Variants in RNF217 observed in about 807,000 individuals in gnomAD.
The protein encoded by RNF217 is ring finger protein 217, also known as E3 ubiquitin-protein ligase RNF217.
Under a neutral mutation model 57.8 loss-of-function variants are expected in RNF217, and 31 were observed. That is an observed-to-expected ratio of 0.54 (90% CI 0.40 to 0.72). RNF217 has a LOEUF of 0.72. Among genes scored for constraint, RNF217 ranks in the 30% least tolerant of loss-of-function variants. The probability of loss-of-function intolerance (pLI) is 0.00; values close to 1 mark genes in which losing one functional copy is unlikely to be tolerated. For synonymous variants in RNF217, 313 were observed against 294.0 expected, an observed-to-expected ratio of 1.06 and a Z score of -0.66; for missense variants, 696 against 708.3, an observed-to-expected ratio of 0.98 and a Z score of 0.20.
At chr6:124,998,238 T>G (rs541499479) in intron 1 of RNF217, among the ~76,000 whole-genome samples, 1 of 152,120 alleles carries the variant, frequency 6.6e-6, no homozygotes, top group Non-Finnish European at 1.5e-5. Context: ...CCCTCTATTC[T>G]CCTATCCCAT....
At chr6:125,004,088 T>C (rs1785084750) in intron 1 of RNF217, among the ~76,000 whole-genome samples, 1 of 152,084 alleles carries the variant, frequency 6.6e-6, no homozygotes, top group African/African-American at 2.4e-5. Flanking sequence ...AATTCATCCA[T>C]CAAATAAGGT....
intron 1 of RNF217, among the ~76,000 whole-genome samples, chr6:125,029,781 A>G (rs1186415977): frequency 1.3e-5 from 2 of 152,196 alleles, no homozygotes; most frequent in Non-Finnish European, 2.9e-5. Context: ...GAAGATGAAA[A>G]GTTTTGGAAT....
intron 1 of RNF217, among the ~76,000 whole-genome samples, chr6:125,020,607 C>T (rs531323083): frequency 2.0e-5 from 3 of 151,892 alleles, no homozygotes; most frequent in Non-Finnish European, 4.4e-5. Context: ...TTAATTACTG[C>T]AGCTGGGCTG....
At chr6:125,048,860 T>G (rs563430732) in intron 2 of RNF217, among the ~76,000 whole-genome samples, 2 of 152,080 alleles carry the variant, frequency 1.3e-5, no homozygotes, top group South Asian at 4.1e-4. Context: ...AAAATCTGAG[T>G]AAATAGAGCT....
chr6:125,082,803 T>G (rs547685852), intron 5 of RNF217, 61 bp from the exon 6 acceptor site: 84 of 1,315,150 alleles, frequency 6.4e-5, no homozygotes, highest in Admixed American at 2.9e-4. Flanking sequence ...ATAGACATTT[T>G]AAAATAGGAA....
chr6:125,041,914 A>C (rs1391659048), intron 1 of RNF217, among the ~76,000 whole-genome samples: 1 of 152,110 alleles, frequency 6.6e-6, no homozygotes, highest in African/African-American at 2.4e-5. Flanking sequence ...CCACCAAGAA[A>C]GTAAAAACAC....
At chr6:124,987,369 C>T (rs528603642) in intron 1 of RNF217, among the ~76,000 whole-genome samples, 1 of 152,272 alleles carries the variant, frequency 6.6e-6, no homozygotes, top group African/African-American at 2.4e-5. Flanking sequence ...CATTATTCAT[C>T]ATTCCCTGCC....
At chr6:124,986,643 TC>T (rs1784372606) in intron 1 of RNF217, among the ~76,000 whole-genome samples, 1 of 152,186 alleles carries the variant, frequency 6.6e-6, no homozygotes, top group South Asian at 2.1e-4. Context: ...GGTTATCTCT[TC>T]CCTGTCTTAT....
rs922924040 is a variant in RNF217, at chr6:125,086,710, A to T, written c.*3773A>T. 1 of 152,142 alleles carries T rather than the reference A, an allele frequency of 6.6e-6. No homozygotes were observed. The highest frequency in any genetic ancestry group is 1.5e-5 in the Non-Finnish European group (1 of 68,000). 9.4% of individuals were successfully genotyped at this position (152,142 alleles called of 1,614,324 possible). On this transcript the variant is annotated 3_prime_UTR_variant, in exon 6 of 6. Coordinates refer to ENST00000521654, the MANE Select transcript of RNF217 (RefSeq NM_001286398.3). ...TTGTTGCCACCACCTTGATTTTCTC[A>T]TAGGTGCTATTGTGTCCTAAGAGTA...
intron 1 of RNF217, among the ~76,000 whole-genome samples, chr6:125,024,945 C>G (rs1189567507): frequency 1.3e-5 from 2 of 152,008 alleles, no homozygotes; most frequent in Non-Finnish European, 2.9e-5. Flanking sequence ...GGAAGAGTAA[C>G]TAACCCTCAG....
intron 2 of RNF217, among the ~76,000 whole-genome samples, chr6:125,053,071 G>A (rs1034458118): frequency 1.3e-5 from 2 of 151,994 alleles, no homozygotes; most frequent in Non-Finnish European, 2.9e-5. Flanking sequence ...GCTCAGGATG[G>A]ACCCTCTATT....
rs1009107730 is a variant in RNF217, at chr6:125,077,968, C to T, written c.1483+1110C>T. On this transcript the variant is annotated intron_variant, in intron 4 of 5. Transcript: ENST00000521654. ...TCAGGTAAAAGATAGAACATGTATA[C>T]GCAAATGCACTTTCACATATGGAAA... Among the ~76,000 whole-genome samples, 16 of 152,226 alleles carry T rather than the reference C, an allele frequency of 1.1e-4. No individual in the cohort carries two copies. The East Asian group carries it at 1.7e-3, about 17-fold the overall frequency.
intron 2 of RNF217, among the ~76,000 whole-genome samples, chr6:125,047,243 G>A (rs1404368264): frequency 6.6e-6 from 1 of 152,014 alleles, no homozygotes; most frequent in Non-Finnish European, 1.5e-5. Flanking sequence ...TTGAATTAGA[G>A]TGGGAATAAC....
chr6:125,049,012 C>A (rs1787206073), intron 2 of RNF217, among the ~76,000 whole-genome samples: 1 of 152,046 alleles, frequency 6.6e-6, no homozygotes, highest in African/African-American at 2.4e-5. Flanking sequence ...TTTCTGTCTT[C>A]TTCTCCCTAA....
At chr6:124,968,867 C>T (rs1310907870) in intron 1 of RNF217, among the ~76,000 whole-genome samples, 1 of 152,164 alleles carries the variant, frequency 6.6e-6, no homozygotes, top group Non-Finnish European at 1.5e-5. Context: ...GCGGTAATTT[C>T]TTATAATTAT....
chr6:125,039,395 G>A (rs1325788638), intron 1 of RNF217, among the ~76,000 whole-genome samples: 1 of 152,094 alleles, frequency 6.6e-6, no homozygotes, highest in Non-Finnish European at 1.5e-5. Flanking sequence ...AACAAGAAGA[G>A]CTAACTGTCC....
At chr6:124,991,537 T>G (rs1237458514) in intron 1 of RNF217, among the ~76,000 whole-genome samples, 2 of 152,240 alleles carry the variant, frequency 1.3e-5, no homozygotes, top group Non-Finnish European at 2.9e-5. Flanking sequence ...TATATTCATT[T>G]TTGTTGTCTT....
At position 124,962,470 on chromosome 6, in the gene RNF217, C is replaced by T. The variant is rs1489482344; in HGVS notation, c.-75C>T. 1 of 635,890 alleles carries T rather than the reference C, an allele frequency of 1.6e-6. No homozygotes were observed. The highest frequency in any genetic ancestry group is 2.1e-6 in the Non-Finnish European group (1 of 480,898). The allele number at this position is 635,890 out of a possible 1,614,324, so 39.4% of individuals were successfully genotyped here. A position where few individuals can be genotyped will look rare whatever the true frequency, so the allele number is the denominator to read the frequency against. ...AGCCGCGAGTCGAGCCGAGCCACTG[C>T]CCCCGCTGCCCGCGGGCGCCGGGTG... On this transcript the variant is annotated 5_prime_UTR_variant, in exon 1 of 6. Coordinates refer to ENST00000521654, the MANE Select transcript of RNF217 (RefSeq NM_001286398.3). This position sits in a 1 kb window ranked among gnomAD's most constrained non-coding sequence, Gnocchi z 4.6.
At chr6:125,004,962 G>T (rs188749327) in intron 1 of RNF217, among the ~76,000 whole-genome samples, 1 of 152,294 alleles carries the variant, frequency 6.6e-6, no homozygotes, top group African/African-American at 2.4e-5. Flanking sequence ...AGGATGGGAA[G>T]TCCAAGTGTA....
Sources: gnomAD v4.1 joint callset for allele counts (sites outside exome capture counted in the v4.1 genomes callset) on GRCh38, gnomAD v4.1.1 for gene constraint, Gnocchi (gnomAD v3.1) non-coding constraint, MANE v1.5 for transcripts, NCBI Gene and HGNC (gene_info 2026-07-23, HGNC 2026-07-21) for gene names.